GFOD1: variants seen among roughly 807,000 people sequenced by gnomAD.
GFOD1 encodes the protein Gfo/Idh/MocA-like oxidoreductase domain containing 1, also known as glucose-fructose oxidoreductase domain-containing protein 1.
GFOD1 carries 9 observed loss-of-function variants against 25.4 expected under a neutral mutation model. That is an observed-to-expected ratio of 0.35 (90% CI 0.21 to 0.62). The LOEUF (loss-of-function observed/expected upper bound fraction) is 0.62, where lower values mean the gene tolerates loss of function less well. Ranked by LOEUF, GFOD1 falls within the 20% of genes least tolerant of loss-of-function variation. The pLI, the probability that GFOD1 is intolerant of heterozygous loss-of-function variation, is 0.72. For synonymous variants in GFOD1, 253 were observed against 245.6 expected (o/e 1.03, Z -0.28); for missense variants, 403 against 556.9 (o/e 0.72, Z 2.78).
At chr6:13,465,659 T>TCAAACA (rs1584667988) in intron 1 of GFOD1, among the ~76,000 whole-genome samples, 1 of 152,128 alleles carries the variant, frequency 6.6e-6, no homozygotes, top group East Asian at 1.9e-4. Context: ...TTCCCAGGTG[T>TCAAACA]TCCTAACTCA....
chr6:13,446,415 C>T (rs145560476), intron 1 of GFOD1, among the ~76,000 whole-genome samples: 3 of 152,202 alleles, frequency 2.0e-5, no homozygotes, highest in East Asian at 3.9e-4. Flanking sequence ...TTAATTATAT[C>T]GACTGGTGGC....
chr6:13,421,402 G>A (rs1384501014), intron 1 of GFOD1, among the ~76,000 whole-genome samples: 2 of 152,100 alleles, frequency 1.3e-5, no homozygotes, highest in Middle Eastern at 3.2e-3. Flanking sequence ...GCTGAGGTTG[G>A]AAGACCACTT....
intron 1 of GFOD1, among the ~76,000 whole-genome samples, chr6:13,411,784 A>G (rs2127566264): frequency 6.6e-6 from 1 of 152,322 alleles, no homozygotes; most frequent in South Asian, 2.1e-4. Context: ...AGGAATTAGG[A>G]TGATCCCTTT....
At chr6:13,456,318 G>A (rs1422214236) in intron 1 of GFOD1, among the ~76,000 whole-genome samples, 1 of 152,006 alleles carries the variant, frequency 6.6e-6, no homozygotes, top group Admixed American at 6.6e-5. Flanking sequence ...GGGACTACAG[G>A]CATCCACCAC....
At chr6:13,441,391 T>A (rs570618500) in intron 1 of GFOD1, among the ~76,000 whole-genome samples, 30 of 152,324 alleles carry the variant, frequency 2.0e-4, no homozygotes, top group African/African-American at 5.1e-4. Flanking sequence ...TCAAACGAAA[T>A]GTGGCACACG....
In GFOD1 at chr6:13,486,257, C is replaced by CCCA. The variant is rs1554207083; in HGVS notation, c.253+380_253+381insTGG. ...TCCTCCACCCCCCCATCCCCCCCCC[C>CCCA]CACACACACACACTTGGACACTACA... On this transcript the variant is annotated intron_variant, in intron 1 of 1. Transcript: ENST00000379287. 1,588 of 277,540 alleles carry CCCA rather than the reference C, an allele frequency of 5.7e-3. 94 individuals are homozygous for CCCA. The highest frequency in any genetic ancestry group is 0.041 in the African/African-American group (1,415 of 34,300). 17.2% of individuals were successfully genotyped at this position (277,540 alleles called of 1,614,324 possible).
chr6:13,475,880 T>C (rs541023918), intron 1 of GFOD1, among the ~76,000 whole-genome samples: 6 of 151,740 alleles, frequency 4.0e-5, no homozygotes, highest in African/African-American at 1.5e-4. Flanking sequence ...GTTGAGATCA[T>C]GCCACTGCAC....
intron 1 of GFOD1, among the ~76,000 whole-genome samples, chr6:13,374,186 C>T (rs933384664): frequency 2.0e-5 from 3 of 151,588 alleles, no homozygotes; most frequent in Non-Finnish European, 4.4e-5. Flanking sequence ...TTCCACAACT[C>T]GATAGTAGTA....
chr6:13,424,238 CA>C (rs1408765195), intron 1 of GFOD1, among the ~76,000 whole-genome samples: 1 of 152,100 alleles, frequency 6.6e-6, no homozygotes, highest in African/African-American at 2.4e-5. Flanking sequence ...GTCTAGTGGC[CA>C]AAAATTTTGC....
At chr6:13,432,649 C>T (rs1757769570) in intron 1 of GFOD1, among the ~76,000 whole-genome samples, 1 of 152,152 alleles carries the variant, frequency 6.6e-6, no homozygotes, top group Non-Finnish European at 1.5e-5. Flanking sequence ...GAAAGTAACC[C>T]CATCCAGTCC....
At chr6:13,374,891 T>A (rs1459760371) in intron 1 of GFOD1, among the ~76,000 whole-genome samples, 1 of 151,964 alleles carries the variant, frequency 6.6e-6, no homozygotes, top group African/African-American at 2.4e-5. Flanking sequence ...TATAGGCATG[T>A]GCCACCAAGC....
In GFOD1 at chr6:13,376,118, C is replaced by T. The variant is rs1452751830; in HGVS notation, c.254-10456G>A. 2.0e-5 allele frequency among the ~76,000 whole-genome samples: 3 copies of T among 152,156 alleles called. No homozygotes were observed. The South Asian group carries it at 6.2e-4, about 31-fold the overall frequency. On this transcript the variant is annotated intron_variant, in intron 1 of 1. Transcript: ENST00000379287. ...CCAAGAGACCTTCCAAGCTAGTGGC[C>T]AGCTTCCCATGCAGGGAGGCCTGGG...
chr6:13,365,596 G>T lies in GFOD1; in HGVS notation c.320C>A (p.Ala107Asp). The T allele has an allele frequency of 6.2e-7, 1 of 1,606,356 alleles. No individual in the cohort carries two copies. ...TPLDAFRMTSAAHYYPKLMSI... is the reference protein window; with the variant it reads ...TPLDAFRMTSDAHYYPKLMSI... ...CATGAGCTTGGGGTAGTAGTGGGCGGCCGAGGTCATGCGGAAAGCGTCCAG... is the reference window on the plus strand; with the variant it reads ...CATGAGCTTGGGGTAGTAGTGGGCGTCCGAGGTCATGCGGAAAGCGTCCAG... The change falls in exon 2 of 2, where the codon GCC becomes GAC. Residue 107 changes from alanine (A) to aspartate (D), a missense_variant. Physicochemically the swap from Ala to Asp is moderately radical, Grantham distance 126. Coordinates refer to ENST00000379287, the MANE Select transcript of GFOD1 (RefSeq NM_018988.4). This position sits in a 1 kb window ranked among gnomAD's most constrained non-coding sequence, Gnocchi z 9.2.
chr6:13,394,755 C>T (rs1785693559), intron 1 of GFOD1, among the ~76,000 whole-genome samples: 1 of 152,068 alleles, frequency 6.6e-6, no homozygotes, highest in Non-Finnish European at 1.5e-5. Flanking sequence ...GTCTCAGCTT[C>T]CCAAGTAGCT....
chr6:13,393,857 G>A (rs1478630575), intron 1 of GFOD1, among the ~76,000 whole-genome samples: 2 of 140,450 alleles, frequency 1.4e-5, no homozygotes, highest in Non-Finnish European at 3.0e-5. Context: ...TCGGCTCACT[G>A]CAAGCTCCGC....
intron 1 of GFOD1, among the ~76,000 whole-genome samples, chr6:13,482,663 A>G (rs1448604707): frequency 1.3e-5 from 2 of 152,076 alleles, no homozygotes; most frequent in African/African-American, 4.8e-5. Context: ...CAGGAGAATC[A>G]CTTGAACCCA....
rs748041643 is a variant in GFOD1, at chr6:13,470,132, T to C, written c.253+16506A>G. The C allele has an allele frequency of 2.1e-5, 31 of 1,487,248 alleles. No homozygotes were observed. The South Asian group carries it at 2.7e-4, about 13-fold the overall frequency. 92.1% of individuals were successfully genotyped at this position (1,487,248 alleles called of 1,614,324 possible). A position where few individuals can be genotyped will look rare whatever the true frequency, so the allele number is the denominator to read the frequency against. ...GATAAATACTGCAGTTGGAAAATCC[T>C]GTTGGTGAATGTAGCCAGTGATGTC... On this transcript the variant is annotated intron_variant, in intron 1 of 1. Coordinates refer to ENST00000379287, the MANE Select transcript of GFOD1 (RefSeq NM_018988.4).
intron 1 of GFOD1, among the ~76,000 whole-genome samples, chr6:13,471,668 AT>A (rs1758508200): frequency 6.6e-6 from 1 of 152,242 alleles, no homozygotes; most frequent in Admixed American, 6.5e-5. Context: ...GGTGGAGACT[AT>A]CAACACATTC....
chr6:13,422,350 G>A (rs537994171), intron 1 of GFOD1, among the ~76,000 whole-genome samples: 16 of 152,242 alleles, frequency 1.1e-4, no homozygotes, highest in Middle Eastern at 3.4e-3. Context: ...AGAAAATGGC[G>A]TAGCTGGAGG....
Sources: gnomAD v4.1 joint callset for allele counts (sites outside exome capture counted in the v4.1 genomes callset) on GRCh38, gnomAD v4.1.1 for gene constraint, Gnocchi (gnomAD v3.1) non-coding constraint, MANE v1.5 for transcripts, NCBI Gene and HGNC (gene_info 2026-07-23, HGNC 2026-07-21) for gene names.